Variants in SCN2A observed in about 807,000 individuals in gnomAD.
SCN2A encodes sodium voltage-gated channel alpha subunit 2.
In SCN2A, 20 loss-of-function variants were observed where a neutral mutation model predicts 188.7. That is an observed-to-expected ratio of 0.11 (90% CI 0.07 to 0.15). The LOEUF (loss-of-function observed/expected upper bound fraction) is 0.15. SCN2A is among the 10% of genes least tolerant of loss of function. The pLI is 1.00. For synonymous variants in SCN2A, 804 were observed against 833.1 expected (o/e 0.97, Z 0.60); for missense variants, 1,278 against 2,445.0 (o/e 0.52, Z 10.07).
chr2:165,245,151 C>T (rs1251301836), intron 1 of SCN2A, among the ~76,000 whole-genome samples: 1 of 152,140 alleles, frequency 6.6e-6, no homozygotes, highest in African/African-American at 2.4e-5. Context: ...TCCTTCTTTT[C>T]TGTGTGATAC....
intron 1 of SCN2A, among the ~76,000 whole-genome samples, chr2:165,279,056 T>TA (rs1483644074): frequency 2.0e-5 from 3 of 152,164 alleles, no homozygotes; most frequent in Non-Finnish European, 4.4e-5. Context: ...AGAGGAATCT[T>TA]AGTGATGAGA....
At position 165,349,028 on chromosome 2, in the gene SCN2A, G is replaced by A. The variant is rs1574652392; in HGVS notation, c.2919+4117G>A. 2.6e-5 allele frequency among the ~76,000 whole-genome samples: 4 copies of A among 152,258 alleles called. No individual in the cohort carries two copies. In the South Asian group the frequency reaches 8.3e-4, roughly 32 times the overall value. On this transcript the variant is annotated intron_variant, in intron 16 of 26. Transcript: ENST00000375437. ...GAGCTCAAGCTACTATAATCCCCAA[G>A]ACAACTTTAAAATGTTTGCTTTCAG...
intron 3 of SCN2A, among the ~76,000 whole-genome samples, chr2:165,301,093 C>A (rs892956681): frequency 1.3e-5 from 2 of 152,086 alleles, no homozygotes; most frequent in African/African-American, 2.4e-5. Context: ...AAGGATGATT[C>A]CAAGCATTTA....
chr2:165,351,077 T>C (rs1699885028), intron 16 of SCN2A, among the ~76,000 whole-genome samples: 1 of 152,200 alleles, frequency 6.6e-6, no homozygotes, highest in Non-Finnish European at 1.5e-5. Context: ...ATTACATTTA[T>C]TTTATAGATG....
chr2:165,386,896 C>G lies in SCN2A; in HGVS notation c.4702C>G (p.Leu1568Val), dbSNP rs1458335052. 6.2e-7 allele frequency: 1 copy of G among 1,613,894 alleles called. No homozygotes were observed. The highest frequency in any genetic ancestry group is 8.5e-7 in the Non-Finnish European group (1 of 1,179,924). Reference protein sequence around the residue: ...EMTNILYWINLVFIVLFTGEC... With the variant: ...EMTNILYWINVVFIVLFTGEC... ...GACAAACATTCTGTACTGGATTAATCTGGTGTTTATTGTTCTGTTCACTGG... is the reference window on the plus strand; with the variant it reads ...GACAAACATTCTGTACTGGATTAATGTGGTGTTTATTGTTCTGTTCACTGG... The change falls in exon 26 of 27, where the codon CTG (leucine) becomes GTG (valine). Residue 1568 changes from leucine to valine, a missense_variant. By Grantham distance (32) the Leu-to-Val change is conservative (BLOSUM62 1). Transcript: ENST00000375437.
At chr2:165,330,900 A>ATTCAGTGTCTAATACTGACATTCAG (rs1298574725) in intron 13 of SCN2A, among the ~76,000 whole-genome samples, 6 of 152,168 alleles carry the variant, frequency 3.9e-5, no homozygotes, top group Non-Finnish European at 5.9e-5. Flanking sequence ...TCACCAAAAC[A>ATTCAGTGTCTAATACTGACATTCAG]TATCTAATCC....
chr2:165,269,351 T>C (rs1433302389), intron 1 of SCN2A: 2 of 152,074 alleles, frequency 1.3e-5, no homozygotes, highest in African/African-American at 4.8e-5. Flanking sequence ...AGTAACATTT[T>C]ACTGTTTATA....
At chr2:165,283,883 A>G (rs1255972966) in intron 1 of SCN2A, among the ~76,000 whole-genome samples, 1 of 152,180 alleles carries the variant, frequency 6.6e-6, no homozygotes, top group Admixed American at 6.5e-5. Flanking sequence ...TCACTCCCAC[A>G]TTTGAAAAGT....
intron 14 of SCN2A, among the ~76,000 whole-genome samples, chr2:165,339,486 A>G (rs1228848720): frequency 6.6e-6 from 1 of 152,158 alleles, no homozygotes; most frequent in Non-Finnish European, 1.5e-5. Context: ...CAACATGATC[A>G]TATTGTAGAC....
At chr2:165,382,561 A>G (rs1195323077) in intron 25 of SCN2A, among the ~76,000 whole-genome samples, 3 of 152,084 alleles carry the variant, frequency 2.0e-5, no homozygotes, top group Non-Finnish European at 4.4e-5. Context: ...GGGTTCAAAG[A>G]AACCACAATA....
At chr2:165,309,269 T>A in intron 5 of SCN2A, 83 bp from the exon 6 acceptor site, 1 of 1,613,334 alleles carries the variant, frequency 6.2e-7, no homozygotes, top group South Asian at 1.1e-5. Context: ...AAGAAGAAAA[T>A]GGTATAAGGT....
chr2:165,313,126 T>G (rs1362527496), intron 8 of SCN2A, among the ~76,000 whole-genome samples: 1 of 152,070 alleles, frequency 6.6e-6, no homozygotes, highest in East Asian at 1.9e-4. Flanking sequence ...CTCAGAAGTG[T>G]CAGGCAAGAC....
intron 1 of SCN2A, among the ~76,000 whole-genome samples, chr2:165,287,081 A>G (rs1226456902): frequency 6.6e-6 from 1 of 152,180 alleles, no homozygotes; most frequent in Non-Finnish European, 1.5e-5. Flanking sequence ...GGCAAGTTTT[A>G]GAGTAGGAGT....
rs2105402462 is a variant in SCN2A, at chr2:165,388,845, C to T, written c.5039C>T (p.Ser1680Phe). 6.2e-7 allele frequency: 1 copy of T among 1,614,020 alleles called. No individual in the cohort carries two copies. The highest frequency in any genetic ancestry group is 8.5e-7 in the Non-Finnish European group (1 of 1,179,970). ...TTCATCTACGCCATCTTTGGGATGT[C>T]CAATTTTGCCTATGTTAAGAGGGAA... ...VMFIYAIFGM[S>F]NFAYVKREVG... The change falls in exon 27 of 27, where the codon TCC (serine) becomes TTC (phenylalanine). Residue 1680 changes from serine (S) to phenylalanine (F), a missense_variant. Transcript: ENST00000375437.
chr2:165,318,151 G>A (rs1315748223), intron 11 of SCN2A, among the ~76,000 whole-genome samples: 1 of 152,172 alleles, frequency 6.6e-6, no homozygotes, highest in Admixed American at 6.5e-5. Context: ...TGACATGATT[G>A]TGTTGGTAAC....
At chr2:165,268,589 G>T (rs1694975594) in intron 1 of SCN2A, 1 of 152,476 alleles carries the variant, frequency 6.6e-6, no homozygotes, top group South Asian at 1.9e-4. Flanking sequence ...ATACTGAATG[G>T]GGAAAAGTTG....
At position 165,380,567 on chromosome 2, in the gene SCN2A, G is replaced by A. The variant is rs375508804; in HGVS notation, c.4309-25G>A. 3.9e-6 allele frequency: 6 copies of A among 1,529,964 alleles called. No homozygotes were observed. The South Asian group carries it at 6.7e-5, about 17-fold the overall frequency. The allele number at this position is 1,529,964 out of a possible 1,614,324, so 94.8% of individuals were successfully genotyped here. On this transcript the variant is annotated intron_variant, in intron 23 of 26. Coordinates refer to ENST00000375437, the MANE Select transcript of SCN2A (RefSeq NM_001040142.2). Reference sequence around the variant, plus strand: ...TTGTGAAACAAGTACTAGATATAATGGTTACAATTCTTCATATTCTTTAGG... The same window carrying A: ...TTGTGAAACAAGTACTAGATATAATAGTTACAATTCTTCATATTCTTTAGG...
chr2:165,328,702 A>G (rs373256488), intron 13 of SCN2A, among the ~76,000 whole-genome samples: 1 of 152,332 alleles, frequency 6.6e-6, no homozygotes, highest in East Asian at 1.9e-4. Flanking sequence ...CCATGGAACT[A>G]TGTGACATGG....
intron 1 of SCN2A, among the ~76,000 whole-genome samples, chr2:165,276,064 A>C (rs1695328726): frequency 6.6e-6 from 1 of 152,168 alleles, no homozygotes; most frequent in South Asian, 2.1e-4. Context: ...ACAATAATCT[A>C]GGTATTTTGA....
Sources: gnomAD v4.1 joint callset for allele counts (sites outside exome capture counted in the v4.1 genomes callset) on GRCh38, gnomAD v4.1.1 for gene constraint, MANE v1.5 for transcripts, NCBI Gene and HGNC (gene_info 2026-07-23, HGNC 2026-07-21) for gene names.